The following CNBD1 variants were observed in gnomAD, a reference collection of about 807,000 sequenced individuals.
The protein encoded by CNBD1 is cyclic nucleotide binding domain containing 1.
A neutral mutation model predicts 54.4 loss-of-function variants in CNBD1; 71 were observed. The ratio of observed to expected loss-of-function variants is 1.30; its 90% CI spans 1.08 to 1.59. The LOEUF is 1.59. Ranked by LOEUF, CNBD1 falls within the 40% of genes most tolerant of loss-of-function variation. The pLI is 0.00. For missense variants in CNBD1, 659 were observed against 518.0 expected (o/e 1.27, Z -2.64); for synonymous variants, 182 against 170.7 (o/e 1.07, Z -0.51).
At chr8:87,324,217 G>T (rs1809611766) in intron 8 of CNBD1, among the ~76,000 whole-genome samples, 1 of 129,308 alleles carries the variant, frequency 7.7e-6, no homozygotes, top group African/African-American at 2.9e-5. Flanking sequence ...GTATTTTATT[G>T]AGGATTTTTG....
chr8:87,344,116 T>G (rs1394709818), intron 8 of CNBD1, among the ~76,000 whole-genome samples: 2 of 152,056 alleles, frequency 1.3e-5, no homozygotes, highest in Non-Finnish European at 2.9e-5. Flanking sequence ...AAATAAAATG[T>G]GTTAGAAAAT....
At chr8:87,008,293 T>C (rs971927478) in intron 4 of CNBD1, among the ~76,000 whole-genome samples, 1 of 152,208 alleles carries the variant, frequency 6.6e-6, no homozygotes, top group African/African-American at 2.4e-5. Flanking sequence ...GCATATGCTT[T>C]AGTGTTCTGT....
At chr8:87,350,356 A>G (rs531708654) in intron 8 of CNBD1, among the ~76,000 whole-genome samples, 13 of 152,136 alleles carry the variant, frequency 8.5e-5, no homozygotes, top group Admixed American at 2.0e-4. Flanking sequence ...TAAATATTGA[A>G]GTAACTATTA....
intron 4 of CNBD1, among the ~76,000 whole-genome samples, chr8:87,145,562 G>T (rs1342485197): frequency 1.3e-5 from 2 of 152,000 alleles, no homozygotes; most frequent in East Asian, 3.9e-4. Context: ...ATAAGTATGA[G>T]AACAATTATT....
intron 10 of CNBD1, among the ~76,000 whole-genome samples, chr8:87,375,025 G>C (rs574401536): frequency 1.4e-4 from 21 of 150,848 alleles, no homozygotes; most frequent in East Asian, 1.2e-3. Flanking sequence ...TGCTTTTTGT[G>C]ATTATTCTTT....
intron 7 of CNBD1, 78 bp downstream of exon 7, chr8:87,284,893 A>T (rs941103340): frequency 2.5e-5 from 25 of 1,014,108 alleles, no homozygotes; most frequent in Admixed American, 5.6e-5. Context: ...CTAGACAAAG[A>T]CAGCTATATC....
intron 8 of CNBD1, among the ~76,000 whole-genome samples, chr8:87,333,386 C>T (rs1285336401): frequency 2.6e-5 from 4 of 152,110 alleles, no homozygotes; most frequent in Non-Finnish European, 5.9e-5. Context: ...TGCCTGATTA[C>T]CCTGGCCAGA....
chr8:87,347,036 T>A (rs910489323), intron 8 of CNBD1, among the ~76,000 whole-genome samples: 1 of 152,184 alleles, frequency 6.6e-6, no homozygotes, highest in Non-Finnish European at 1.5e-5. Context: ...CTTCACCCAC[T>A]GAGAGTATTG....
intron 2 of CNBD1, among the ~76,000 whole-genome samples, chr8:87,389,945 A>G (rs543252237): frequency 5.3e-5 from 8 of 152,288 alleles, no homozygotes; most frequent in East Asian, 3.9e-4. Flanking sequence ...ATAATGCCAC[A>G]TATCTACAAC....
At chr8:87,219,576 T>C (rs981039851) in intron 5 of CNBD1, among the ~76,000 whole-genome samples, 1 of 152,012 alleles carries the variant, frequency 6.6e-6, no homozygotes, top group African/African-American at 2.4e-5. Context: ...AATACTCCTA[T>C]AGTAACTCTA....
chr8:87,157,471 G>C lies in CNBD1; in HGVS notation c.432-48522G>C, dbSNP rs80129157. On this transcript the variant is annotated intron_variant, in intron 4 of 10. Coordinates refer to ENST00000518476, the MANE Select transcript of CNBD1 (RefSeq NM_173538.3). Reference sequence around the variant, plus strand: ...GGTTAAGAGATATATAGTACCTCACGCATTATGACTGTCCTGTTACTTGGA... The same window carrying C: ...GGTTAAGAGATATATAGTACCTCACCCATTATGACTGTCCTGTTACTTGGA... Among the ~76,000 whole-genome samples, 286 of 152,286 alleles carry C rather than the reference G, an allele frequency of 1.9e-3. 6 individuals are homozygous for C. The highest frequency in any genetic ancestry group is 6.4e-3 in the African/African-American group (266 of 41,568).
intron 5 of CNBD1, among the ~76,000 whole-genome samples, chr8:87,228,743 C>A (rs1814579509): frequency 6.6e-6 from 1 of 151,952 alleles, no homozygotes; most frequent in Admixed American, 6.5e-5. Context: ...GGCAGGCAGG[C>A]CTCCTTGAGC....
At chr8:86,910,301 A>G (rs1809081163) in intron 3 of CNBD1, among the ~76,000 whole-genome samples, 1 of 152,198 alleles carries the variant, frequency 6.6e-6, no homozygotes, top group African/African-American at 2.4e-5. Flanking sequence ...ATATTTGTAG[A>G]TTATCCCAAT....
At chr8:86,975,130 GT>G (rs911577357) in intron 4 of CNBD1, among the ~76,000 whole-genome samples, 4 of 151,946 alleles carry the variant, frequency 2.6e-5, no homozygotes, top group Admixed American at 2.6e-4. Context: ...ACAAATAATA[GT>G]TGTATTTTGT....
At chr8:87,424,752 C>T (rs1042210691) in intron 2 of CNBD1, among the ~76,000 whole-genome samples, 8 of 152,286 alleles carry the variant, frequency 5.3e-5, no homozygotes, top group African/African-American at 1.7e-4. Context: ...CTGCCCTTAA[C>T]CTTTTTTCCT....
intron 4 of CNBD1, among the ~76,000 whole-genome samples, chr8:86,988,159 T>A (rs982656332): frequency 5.4e-4 from 81 of 150,326 alleles, no homozygotes; most frequent in Non-Finnish European, 8.3e-4. Flanking sequence ...TTTTTTTTTT[T>A]TTATTACTGA....
intron 4 of CNBD1, among the ~76,000 whole-genome samples, chr8:87,007,724 T>A (rs1341322518): frequency 6.6e-6 from 1 of 152,144 alleles, no homozygotes; most frequent in East Asian, 1.9e-4. Context: ...ATTCTTAAAG[T>A]TTTCCTTAAA....
chr8:87,189,523 A>T (rs535528221), intron 4 of CNBD1, among the ~76,000 whole-genome samples: 7 of 152,172 alleles, frequency 4.6e-5, no homozygotes, highest in African/African-American at 1.7e-4. Flanking sequence ...ACAAGAAAAA[A>T]GCCCAGCTAT....
intron 4 of CNBD1, among the ~76,000 whole-genome samples, chr8:87,046,799 A>T (rs931452773): frequency 6.6e-6 from 1 of 152,204 alleles, no homozygotes; most frequent in Non-Finnish European, 1.5e-5. Context: ...TGTCCTGACC[A>T]GTATCTCAGT....
Sources: allele counts gnomAD v4.1 joint callset (sites outside exome capture counted in the v4.1 genomes callset), GRCh38; gene constraint gnomAD v4.1.1; transcripts MANE v1.5; gene names NCBI Gene and HGNC (gene_info 2026-07-23, HGNC 2026-07-21).